B4GALNT4: variants seen among roughly 807,000 people sequenced by gnomAD.
The protein encoded by B4GALNT4 is beta-1,4-N-acetyl-galactosaminyltransferase 4.
Under a neutral mutation model 110.0 loss-of-function variants are expected in B4GALNT4, and 77 were observed. The observed-to-expected ratio is 0.70, with a 90% CI of 0.58 to 0.85. B4GALNT4 has a LOEUF of 0.85. B4GALNT4 is among the 40% of genes least tolerant of loss of function. The probability of loss-of-function intolerance (pLI) is 0.00; values close to 1 mark genes in which losing one functional copy is unlikely to be tolerated. For missense variants in B4GALNT4, 1,575 were observed against 1,506.0 expected (o/e 1.05, Z -0.76); for synonymous variants, 785 against 655.5 (o/e 1.20, Z -3.02).
At position 379,694 on chromosome 11, in the gene B4GALNT4, C is replaced by T. The variant is rs1231929555; in HGVS notation, c.2481C>T (p.Ile827=). Residue 827 remains isoleucine, a synonymous_variant, in exon 15 of 20, where the codon ATC becomes ATT. Coordinates refer to ENST00000329962, the MANE Select transcript of B4GALNT4 (RefSeq NM_178537.5). ...AWRQDVMVHF[I]VPVKNQARWV... The stretch of plus-strand genomic sequence containing the variant: ...GCCAGGACGTGATGGTTCACTTCAT[C>T]GTGCCAGGTTCGCAGGGCGGGCTCG... 4.0e-6 allele frequency: 6 copies of T among 1,501,588 alleles called. No individual in the cohort carries two copies. Among genetic ancestry groups the T allele is most frequent in the Non-Finnish European group, 5.3e-6 (6 of 1,128,130 alleles). 93.0% of individuals were successfully genotyped at this position (1,501,588 alleles called of 1,614,324 possible).
chr11:373,334 G>T (rs1346342078), intron 6 of B4GALNT4, 43 bp downstream of exon 6: 6 of 1,590,070 alleles, frequency 3.8e-6, no homozygotes, highest in Admixed American at 1.7e-5. Context: ...GCCTCCTGCA[G>T]CTCAGTCACC....
intron 1 of B4GALNT4, among the ~76,000 whole-genome samples, chr11:371,878 C>T (rs1487972121): frequency 1.3e-5 from 2 of 152,246 alleles, no homozygotes; most frequent in African/African-American, 2.4e-5. Flanking sequence ...CTGGAAGGCT[C>T]AGCCTGGGCT....
intron 19 of B4GALNT4, 25 bp from the exon 20 acceptor site, chr11:381,644 A>T (rs1362693147): frequency 1.3e-6 from 2 of 1,562,972 alleles, no homozygotes; most frequent in Admixed American, 3.9e-5. Context: ...CGGGGTCCTG[A>T]CCACCTCTCT....
Position 373,513 on chromosome 11 carries a change from G to A in B4GALNT4, c.701G>A (p.Arg234Lys), listed in dbSNP as rs778705905. 6.2e-7 allele frequency: 1 copy of A among 1,609,698 alleles called. No homozygotes were observed. The highest frequency in any genetic ancestry group is 1.3e-5 in the African/African-American group (1 of 74,228). ...TTCAGCTCCCAGGTGTCCAAGCCCA[G>A]GCGGTGAGTGACTGTGGGGTGCATG... ...TKFSSQVSKPRRLMASRRYYF... is the reference protein window; with the variant it reads ...TKFSSQVSKPKRLMASRRYYF... The change falls in exon 7 of 20, where the codon AGG becomes AAG. Residue 234 changes from arginine to lysine, a missense_variant. Physicochemically the swap from Arg to Lys is conservative, Grantham distance 26. Transcript: ENST00000329962.
Position 380,272 on chromosome 11 carries a change from A to C in B4GALNT4, c.2716-20A>C. The stretch of plus-strand genomic sequence containing the variant: ...CGGGGAGGAGCGGAGGGCGGGGCTC[A>C]GACCTCCCGCACCCCCCAGGACGCC... On this transcript the variant is annotated intron_variant, in intron 17 of 19. Transcript: ENST00000329962. 1 of 1,611,348 alleles carries C rather than the reference A, an allele frequency of 6.2e-7. No homozygotes were observed. The highest frequency in any genetic ancestry group is 1.7e-5 in the Admixed American group (1 of 59,928).
Position 381,917 on chromosome 11 carries a change from C to A in B4GALNT4, c.*125C>A. ...GGGGCACAGCCACCGCCTGTGCCTGCCCCTCTCTGGCCCACTGGGCGTCGT... is the reference window on the plus strand; with the variant it reads ...GGGGCACAGCCACCGCCTGTGCCTGACCCTCTCTGGCCCACTGGGCGTCGT... On this transcript the variant is annotated 3_prime_UTR_variant, in exon 20 of 20. Coordinates refer to ENST00000329962, the MANE Select transcript of B4GALNT4 (RefSeq NM_178537.5). The A allele has an allele frequency of 8.3e-7, 1 of 1,199,298 alleles. No homozygotes were observed. The allele number at this position is 1,199,298 out of a possible 1,614,324, so 74.3% of individuals were successfully genotyped here.
Position 381,849 on chromosome 11 carries a change from G to T in B4GALNT4, c.*57G>T. The T allele has an allele frequency of 6.7e-7, 1 of 1,497,952 alleles. No homozygotes were observed. Among genetic ancestry groups the T allele is most frequent in the Non-Finnish European group, 8.9e-7 (1 of 1,125,664 alleles). The allele number at this position is 1,497,952 out of a possible 1,614,324, so 92.8% of individuals were successfully genotyped here. A position where few individuals can be genotyped will look rare whatever the true frequency, so the allele number is the denominator to read the frequency against. ...GTCCCGAGGCAGCTGCTGGGGGCTG[G>T]GCTTTGAGCTCGGTCCCGAGAGACC... On this transcript the variant is annotated 3_prime_UTR_variant, in exon 20 of 20. Transcript: ENST00000329962.
At chr11:378,528 G>A (rs1846806375) in intron 14 of B4GALNT4, among the ~76,000 whole-genome samples, 1 of 152,194 alleles carries the variant, frequency 6.6e-6, no homozygotes, top group South Asian at 2.1e-4. Flanking sequence ...GACACTCAGG[G>A]CTTTGGGGTG....
intron 14 of B4GALNT4, among the ~76,000 whole-genome samples, chr11:378,747 G>A (rs1390889905): frequency 6.6e-6 from 1 of 152,138 alleles, no homozygotes; most frequent in Non-Finnish European, 1.5e-5. Flanking sequence ...GGAGGAAGGG[G>A]CCAGGAACGG....
In B4GALNT4 at chr11:372,168, C is replaced by A. The variant is rs1244675884; in HGVS notation, c.211C>A (p.Gln71Lys). 1 of 1,549,984 alleles carries A rather than the reference C, an allele frequency of 6.5e-7. No individual in the cohort carries two copies. Among genetic ancestry groups the A allele is most frequent in the Non-Finnish European group, 8.7e-7 (1 of 1,146,840 alleles). The change falls in exon 2 of 20, where the codon CAG becomes AAG. Residue 71 changes from glutamine to lysine, a missense_variant. By Grantham distance (53) the Gln-to-Lys change is moderately conservative (BLOSUM62 1). Transcript: ENST00000329962. ...GRGVHAAPST[Q>K]RAEDSSESRE... is the part of the protein sequence containing the mutation. ...GGGGGTCCACGCTGCGCCATCCACA[C>A]AGAGGGCTGAGGACTCCAGTGAGAG...
At position 379,913 on chromosome 11, in the gene B4GALNT4, G is replaced by T. The variant is rs767279886; in HGVS notation, c.2536G>T (p.Ala846Ser). ...WVAQFLADMAALHARTGDSRF... is the reference protein window; with the variant it reads ...WVAQFLADMASLHARTGDSRF... ...GGCACAGTTCCTGGCGGACATGGCTGCGCTGCACGCGCGCACCGGGGACTC... is the reference window on the plus strand; with the variant it reads ...GGCACAGTTCCTGGCGGACATGGCTTCGCTGCACGCGCGCACCGGGGACTC... Residue 846 changes from alanine to serine, a missense_variant, in exon 16 of 20, where the codon GCG (alanine) becomes TCG (serine). Transcript: ENST00000329962. 2 of 1,610,052 alleles carry T rather than the reference G, an allele frequency of 1.2e-6. No homozygotes were observed. Among genetic ancestry groups the T allele is most frequent in the Non-Finnish European group, 1.7e-6 (2 of 1,179,712 alleles).
intron 14 of B4GALNT4, among the ~76,000 whole-genome samples, chr11:378,089 CA>C (rs1243105692): frequency 1.3e-5 from 2 of 151,888 alleles, no homozygotes; most frequent in Non-Finnish European, 2.9e-5. Context: ...AGAGCAAAGC[CA>C]GGGGCAGAGG....
At position 380,921 on chromosome 11, in the gene B4GALNT4, G is replaced by A. The variant is rs202153599; in HGVS notation, c.2966G>A (p.Trp989Ter). 3 of 1,612,890 alleles carry A rather than the reference G, an allele frequency of 1.9e-6. No homozygotes were observed. The highest frequency in any genetic ancestry group is 1.1e-5 in the South Asian group (1 of 90,992). ...GMNTEEFRDQ[W>*]GGEDWELLDR... The stretch of plus-strand genomic sequence containing the variant: ...AACACGGAGGAGTTCCGAGACCAGT[G>A]GGGGGGTGAAGACTGGGAGCTCCTG... Residue 989 changes from tryptophan to a stop codon, truncating the protein, a stop_gained, in exon 19 of 20, where the codon TGG becomes TAG. Coordinates refer to ENST00000329962, the MANE Select transcript of B4GALNT4 (RefSeq NM_178537.5). LOFTEE classifies it high-confidence loss of function.
rs755344649 is a variant in B4GALNT4 at position 381,761 on chromosome 11, G to A, written c.3089G>A (p.Ser1030Asn). 3 of 1,585,038 alleles carry A rather than the reference G, an allele frequency of 1.9e-6. No homozygotes were observed. Among genetic ancestry groups the A allele is most frequent in the Admixed American group, 3.7e-5 (2 of 53,572 alleles). Reference protein sequence around the residue: ...HSKRGMWSVRSRKGSRTGAS With the variant: ...HSKRGMWSVRNRKGSRTGAS ...AAGAGGGGCATGTGGAGCGTCCGCAGCAGGAAGGGCTCTCGCACGGGGGCG... is the reference window on the plus strand; with the variant it reads ...AAGAGGGGCATGTGGAGCGTCCGCAACAGGAAGGGCTCTCGCACGGGGGCG... The change falls in exon 20 of 20, where the codon AGC becomes AAC. Residue 1030 changes from serine (S) to asparagine (N), a missense_variant. Ser to Asn is a conservative substitution (Grantham distance 46, BLOSUM62 1). Coordinates refer to ENST00000329962, the MANE Select transcript of B4GALNT4 (RefSeq NM_178537.5).
At chr11:373,623 C>T (rs531747294) in intron 7 of B4GALNT4, 107 bp downstream of exon 7, 115 of 1,521,246 alleles carry the variant, frequency 7.6e-5, no homozygotes, top group Admixed American at 4.9e-4. Flanking sequence ...CACGAGCACC[C>T]GCCCGGCCAA....
rs1447913034 is a variant in B4GALNT4, at chr11:369,593, C to A, written c.-211C>A. ...CCGGGCGGGGGGCACCGCGAGGAGCCGCCCCCGCCGCCCACCCCGGGCCCG... is the reference window on the plus strand; with the variant it reads ...CCGGGCGGGGGGCACCGCGAGGAGCAGCCCCCGCCGCCCACCCCGGGCCCG... On this transcript the variant is annotated 5_prime_UTR_variant, in exon 1 of 20. Coordinates refer to ENST00000329962, the MANE Select transcript of B4GALNT4 (RefSeq NM_178537.5). Among the ~76,000 whole-genome samples, 2 of 142,372 alleles carry A rather than the reference C, an allele frequency of 1.4e-5. No homozygotes were observed. Among genetic ancestry groups the A allele is most frequent in the Non-Finnish European group, 3.1e-5 (2 of 64,456 alleles). 93.4% of individuals were successfully genotyped at this position (142,372 alleles called of 152,430 possible).
In B4GALNT4 at chr11:381,649, C is replaced by T; in HGVS notation, c.2997-20C>T. On this transcript the variant is annotated intron_variant, in intron 19 of 19. Transcript: ENST00000329962. ...TCCCCAACCCCGGGGTCCTGACCAC[C>T]TCTCTGCCCCCGGCCCCAGGGTCCT... is the stretch of plus-strand genomic sequence containing the variant. 9 of 1,570,836 alleles carry T rather than the reference C, an allele frequency of 5.7e-6. No individual in the cohort carries two copies. The highest frequency in any genetic ancestry group is 7.8e-6 in the Non-Finnish European group (9 of 1,160,684).
chr11:372,607 G>T, intron 2 of B4GALNT4, 55 bp from the exon 3 acceptor site: 1 of 1,423,208 alleles, frequency 7.0e-7, no homozygotes, highest in Non-Finnish European at 9.8e-7. Context: ...CTTGGTGTGT[G>T]TGACCTCCTC....
At position 380,146 on chromosome 11, in the gene B4GALNT4, C is replaced by CCTGGTACCAG; in HGVS notation, c.2659_2660insCTGGTACCAG (p.Arg887ProfsTer92). 1 of 1,603,540 alleles carries CCTGGTACCAG rather than the reference C, an allele frequency of 6.2e-7. No individual in the cohort carries two copies. The highest frequency in any genetic ancestry group is 8.5e-7 in the Non-Finnish European group (1 of 1,172,790). On this transcript the variant is annotated frameshift_variant, in exon 17 of 20. Transcript: ENST00000329962. LOFTEE classifies it high-confidence loss of function. ...CCTCCCCAGGTACCAGTACCTGAGA[C>CCTGGTACCAG]GAACCGGGAACTTCGAGCGCTCCGC... is the stretch of plus-strand genomic sequence containing the variant.
Sources: gnomAD v4.1 joint callset for allele counts (sites outside exome capture counted in the v4.1 genomes callset) on GRCh38, gnomAD v4.1.1 for gene constraint, MANE v1.5 for transcripts, NCBI Gene and HGNC (gene_info 2026-07-23, HGNC 2026-07-21) for gene names.